CSMD1: variants seen among roughly 807,000 people sequenced by gnomAD.
CSMD1 encodes CUB and sushi domain-containing protein 1.
Under a neutral mutation model 417.5 loss-of-function variants are expected in CSMD1, and 213 were observed. The observed-to-expected ratio is 0.51, with a 90% CI of 0.46 to 0.57. The LOEUF is 0.57. Ranked by LOEUF, CSMD1 falls within the 20% of genes least tolerant of loss-of-function variation. CSMD1 has a pLI of 0.00. For synonymous variants in CSMD1, 2,862 were observed against 1,736.8 expected (o/e 1.65, Z -16.11); for missense variants, 6,923 against 4,529.7 (o/e 1.53, Z -15.17).
chr8:2,956,034 C>G (rs548735523), intron 63 of CSMD1, among the ~76,000 whole-genome samples: 1 of 152,012 alleles, frequency 6.6e-6, no homozygotes, highest in African/African-American at 2.4e-5. Context: ...AGCCACTACA[C>G]CCATCCTATA....
intron 50 of CSMD1, among the ~76,000 whole-genome samples, chr8:3,042,400 T>C (rs112810968): frequency 0.04 from 6,055 of 152,216 alleles, 416 homozygotes; most frequent in African/African-American, 0.14. Context: ...CACAGAGACA[T>C]TTCCTTTTAT....
intron 6 of CSMD1, among the ~76,000 whole-genome samples, chr8:3,709,680 G>GGC (rs1554518393): frequency 0.053 from 1,783 of 33,614 alleles, 222 homozygotes; most frequent in East Asian, 0.18. Context: ...GCAGCAGCAT[G>GGC]TTTTTTTTTT....
At chr8:4,872,510 C>G (rs989801796) in intron 1 of CSMD1, among the ~76,000 whole-genome samples, 4 of 152,042 alleles carry the variant, frequency 2.6e-5, no homozygotes, top group Non-Finnish European at 5.9e-5. Flanking sequence ...ACCTGGTTCC[C>G]TTTCACCTTC....
At chr8:3,995,684 T>C (rs937633752) in intron 5 of CSMD1, among the ~76,000 whole-genome samples, 31 of 152,152 alleles carry the variant, frequency 2.0e-4, no homozygotes, top group African/African-American at 7.2e-4. Flanking sequence ...AAAGAGACAA[T>C]AGTAGACAAT....
intron 26 of CSMD1, among the ~76,000 whole-genome samples, chr8:3,268,554 G>C (rs113656822): frequency 0.05 from 7,537 of 152,016 alleles, 226 homozygotes; most frequent in Middle Eastern, 0.078. Flanking sequence ...CTAAAGTGCT[G>C]GGATTACAGG....
chr8:4,934,671 A>C (rs1163409012), intron 1 of CSMD1, among the ~76,000 whole-genome samples: 1 of 152,154 alleles, frequency 6.6e-6, no homozygotes, highest in Non-Finnish European at 1.5e-5. Flanking sequence ...TTGACCTATC[A>C]TCTATGATCC....
intron 26 of CSMD1, among the ~76,000 whole-genome samples, chr8:3,256,902 A>T (rs1403507070): frequency 6.6e-6 from 1 of 152,268 alleles, no homozygotes; most frequent in Non-Finnish European, 1.5e-5. Flanking sequence ...AAAATTCACA[A>T]TGCAAAAATA....
intron 15 of CSMD1, among the ~76,000 whole-genome samples, chr8:3,402,794 C>T (rs112603537): frequency 1.1e-3 from 161 of 152,054 alleles, no homozygotes; most frequent in African/African-American, 3.8e-3. Context: ...TTGTTTATAA[C>T]ACTTGAATTT....
At chr8:4,690,570 T>G (rs985418681) in intron 1 of CSMD1, among the ~76,000 whole-genome samples, 3 of 152,172 alleles carry the variant, frequency 2.0e-5, no homozygotes, top group African/African-American at 7.2e-5. Flanking sequence ...AAAGGATGAA[T>G]TCTAAAATAT....
chr8:3,124,530 G>C lies in CSMD1; in HGVS notation c.6242-5943C>G, dbSNP rs532269515. Among the ~76,000 whole-genome samples the C allele has an allele frequency of 2.6e-5, 4 of 152,296 alleles. No homozygotes were observed. The East Asian group carries it at 7.7e-4, about 29-fold the overall frequency. ...GCTTTTCAGCCAAAGGAAATAGTAT[G>C]TGTTCTAAACATAGAAAGAGTTCAG... On this transcript the variant is annotated intron_variant, in intron 41 of 69. Transcript: ENST00000635120.
intron 8 of CSMD1, 70 bp from the exon 9 acceptor site, chr8:3,586,330 A>AT: frequency 7.1e-7 from 1 of 1,404,954 alleles, no homozygotes; most frequent in East Asian, 2.4e-5. Context: ...AAAAAAAAAA[A>AT]ATCAGCAAAA....
chr8:4,131,793 C>T (rs916103314), intron 3 of CSMD1, among the ~76,000 whole-genome samples: 18 of 115,800 alleles, frequency 1.6e-4, no homozygotes, highest in Non-Finnish European at 2.4e-4. Context: ...GACGGAGTCT[C>T]GCTCTGTCAC....
intron 10 of CSMD1, among the ~76,000 whole-genome samples, chr8:3,508,491 G>T (rs1174166348): frequency 6.9e-6 from 1 of 144,560 alleles, no homozygotes; most frequent in Non-Finnish European, 1.5e-5. Context: ...ATGTACCCTA[G>T]AACTTAAAGT....
intron 26 of CSMD1, among the ~76,000 whole-genome samples, chr8:3,243,392 G>A (rs945503253): frequency 1.3e-5 from 2 of 151,944 alleles, no homozygotes; most frequent in African/African-American, 4.8e-5. Flanking sequence ...TTTCACCTGG[G>A]TGCAGGTGGG....
chr8:4,829,491 C>G (rs1800018763), intron 1 of CSMD1, among the ~76,000 whole-genome samples: 1 of 152,098 alleles, frequency 6.6e-6, no homozygotes, highest in South Asian at 2.1e-4. Context: ...CCTGTAATCT[C>G]AGCACTTTAC....
intron 10 of CSMD1, among the ~76,000 whole-genome samples, chr8:3,545,190 G>T (rs528331522): frequency 3.9e-5 from 6 of 152,168 alleles, no homozygotes; most frequent in South Asian, 2.1e-4. Context: ...GCAAAGAGCA[G>T]GAGGTAGAAT....
intron 8 of CSMD1, among the ~76,000 whole-genome samples, chr8:3,606,990 G>C (rs929336366): frequency 6.6e-6 from 1 of 152,060 alleles, no homozygotes; most frequent in Non-Finnish European, 1.5e-5. Context: ...CATTACAAGC[G>C]TGAGCCGCCG....
At position 3,581,624 on chromosome 8, in the gene CSMD1, G is replaced by A. The variant is rs1489078000; in HGVS notation, c.1222+4512C>T. On this transcript the variant is annotated intron_variant, in intron 9 of 69. Coordinates refer to ENST00000635120, the MANE Select transcript of CSMD1 (RefSeq NM_033225.6). Reference sequence around the variant, plus strand: ...GAACCTTGAGAATCAGTCCTTCCTGGATGCACCTCGCTGGAATACCTTTAT... The same window carrying A: ...GAACCTTGAGAATCAGTCCTTCCTGAATGCACCTCGCTGGAATACCTTTAT... 2.0e-5 allele frequency among the ~76,000 whole-genome samples: 3 copies of A among 152,136 alleles called. No homozygotes were observed. The East Asian group carries it at 5.8e-4, about 29-fold the overall frequency.
At chr8:4,158,586 C>T (rs1796971834) in intron 3 of CSMD1, among the ~76,000 whole-genome samples, 1 of 152,092 alleles carries the variant, frequency 6.6e-6, no homozygotes, top group African/African-American at 2.4e-5. Context: ...AGTCCTCGTT[C>T]CCCTCCTTCT....
Sources: gnomAD v4.1 joint callset for allele counts (sites outside exome capture counted in the v4.1 genomes callset) on GRCh38, gnomAD v4.1.1 for gene constraint, MANE v1.5 for transcripts, NCBI Gene and HGNC (gene_info 2026-07-23, HGNC 2026-07-21) for gene names.